The following ATP6V1B2 variants were observed in gnomAD, a reference collection of about 807,000 sequenced individuals.
The protein encoded by ATP6V1B2 is ATPase H+ transporting V1 subunit B2.
A neutral mutation model predicts 66.7 loss-of-function variants in ATP6V1B2; 23 were observed. The ratio of observed to expected loss-of-function variants is 0.34; its 90% CI spans 0.25 to 0.49. The LOEUF (loss-of-function observed/expected upper bound fraction) is 0.49, where lower values mean the gene tolerates loss of function less well. Ranked by LOEUF, ATP6V1B2 falls within the 20% of genes least tolerant of loss-of-function variation. The probability of loss-of-function intolerance (pLI) is 0.99; values close to 1 mark genes in which losing one functional copy is unlikely to be tolerated. For synonymous variants in ATP6V1B2, 278 were observed against 236.7 expected (o/e 1.17, Z -1.60); for missense variants, 478 against 650.8 (o/e 0.73, Z 2.89).
intron 3 of ATP6V1B2, 45 bp from the exon 4 acceptor site, chr8:20,210,301 A>G (rs1348238263): frequency 2.6e-6 from 4 of 1,515,276 alleles, no homozygotes; most frequent in Non-Finnish European, 3.6e-6. Flanking sequence ...AATGCCCGTG[A>G]TCTAAATTAC....
rs745791826 is a variant in ATP6V1B2, at chr8:20,217,232, A to G, written c.1174A>G (p.Ile392Val). 1.2e-6 allele frequency: 2 copies of G among 1,612,492 alleles called. No homozygotes were observed. The highest frequency in any genetic ancestry group is 1.7e-5 in the Admixed American group (1 of 59,990). ...QLHNRQIYPP[I>V]NVLPSLSRLM... Reference sequence around the variant, plus strand: ...CATTCTACCCAAGATTTATCCACCTATCAATGTGCTGCCCTCACTATCACG... The same window carrying G: ...CATTCTACCCAAGATTTATCCACCTGTCAATGTGCTGCCCTCACTATCACG... The change falls in exon 12 of 14, where the codon ATC becomes GTC. Residue 392 changes from isoleucine (I) to valine (V), a missense_variant. This residue lies in a region of ATP6V1B2 where 326 missense variants were observed against 545.6 expected (regional missense o/e 0.60). Transcript: ENST00000276390.
chr8:20,220,117 A>C (rs1354647378), intron 13 of ATP6V1B2, 146 bp from the exon 14 acceptor site: 2 of 769,940 alleles, frequency 2.6e-6, no homozygotes, highest in Non-Finnish European at 1.9e-6. Flanking sequence ...TCTTTTCCTC[A>C]GTCCTTCTCA....
In ATP6V1B2 at chr8:20,218,357, A is replaced by T; in HGVS notation, c.1396+75A>T. ...GAAAACTGCTTTCCAAGCCTAAGAA[A>T]ATTCTCATTGGTTTCTATATAGTTA... On this transcript the variant is annotated intron_variant, in intron 13 of 13. Coordinates refer to ENST00000276390, the MANE Select transcript of ATP6V1B2 (RefSeq NM_001693.4). 10 of 1,555,900 alleles carry T rather than the reference A, an allele frequency of 6.4e-6. No individual in the cohort carries two copies. The South Asian group carries it at 1.2e-4, about 19-fold the overall frequency.
At chr8:20,205,626 G>T (rs2410638) in intron 2 of ATP6V1B2, among the ~76,000 whole-genome samples, 58,473 of 152,050 alleles carry the variant, frequency 0.38, 12,396 homozygotes, top group African/African-American at 0.56. Context: ...CTATGAGATT[G>T]ATAGTGATTT....
chr8:20,214,886 C>G lies in ATP6V1B2; in HGVS notation c.996C>G (p.Ala332=). Residue 332 remains alanine, a synonymous_variant, in exon 10 of 14, where the codon GCC becomes GCG. Transcript: ENST00000276390. ...CAGGTTACATGTATACAGATTTAGCCACGATATATGAACGCGCTGGGCGAG... is the reference window on the plus strand; with the variant it reads ...CAGGTTACATGTATACAGATTTAGCGACGATATATGAACGCGCTGGGCGAG... The part of the protein sequence containing the change: ...GFPGYMYTDL[A]TIYERAGRVE... 11 of 1,613,542 alleles carry G rather than the reference C, an allele frequency of 6.8e-6. No individual in the cohort carries two copies. Among genetic ancestry groups the G allele is most frequent in the Non-Finnish European group, 9.3e-6 (11 of 1,179,696 alleles).
chr8:20,206,002 A>G (rs1181178431), intron 2 of ATP6V1B2, among the ~76,000 whole-genome samples: 1 of 152,246 alleles, frequency 6.6e-6, no homozygotes, highest in Non-Finnish European at 1.5e-5. Flanking sequence ...ACAGAAAAAA[A>G]ATTTGATGAA....
At position 20,220,519 on chromosome 8, in the gene ATP6V1B2, A is replaced by G; in HGVS notation, c.*117A>G. Reference sequence around the variant, plus strand: ...AGTTTACCATGTTACCCTGTAATTAAAAACAAAGAATAGGTAACATATTGT... The same window carrying G: ...AGTTTACCATGTTACCCTGTAATTAGAAACAAAGAATAGGTAACATATTGT... On this transcript the variant is annotated 3_prime_UTR_variant, in exon 14 of 14. Coordinates refer to ENST00000276390, the MANE Select transcript of ATP6V1B2 (RefSeq NM_001693.4). 7.4e-7 allele frequency: 1 copy of G among 1,354,938 alleles called. No homozygotes were observed. The highest frequency in any genetic ancestry group is 9.7e-7 in the Non-Finnish European group (1 of 1,028,104). 83.9% of individuals were successfully genotyped at this position (1,354,938 alleles called of 1,614,324 possible).
rs2128886349 is a variant in ATP6V1B2, at chr8:20,214,900, G to A, written c.1010G>A (p.Arg337His). 1.2e-6 allele frequency: 2 copies of A among 1,613,588 alleles called. No homozygotes were observed. Among genetic ancestry groups the A allele is most frequent in the Non-Finnish European group, 1.7e-6 (2 of 1,179,690 alleles). The change falls in exon 10 of 14, where the codon CGC becomes CAC. Residue 337 changes from arginine to histidine, a missense_variant. Physicochemically the swap from Arg to His is conservative, Grantham distance 29. This residue lies in a region of ATP6V1B2 where 326 missense variants were observed against 545.6 expected (regional missense o/e 0.60). Transcript: ENST00000276390. ...ACAGATTTAGCCACGATATATGAAC[G>A]CGCTGGGCGAGTGGAAGGGAGAAAC... ...MYTDLATIYE[R>H]AGRVEGRNGS...
intron 9 of ATP6V1B2, 184 bp from the exon 10 acceptor site, chr8:20,214,634 T>G: frequency 1.5e-5 from 9 of 612,414 alleles, no homozygotes; most frequent in Non-Finnish European, 2.1e-5. Context: ...TGTCAACATT[T>G]TTGTTACAGA....
chr8:20,206,430 A>T (rs1279103989), intron 2 of ATP6V1B2, among the ~76,000 whole-genome samples: 3 of 152,192 alleles, frequency 2.0e-5, no homozygotes, highest in African/African-American at 7.2e-5. Flanking sequence ...CAGATTGAGG[A>T]TACCCTTCTG....
intron 11 of ATP6V1B2, 163 bp from the exon 12 acceptor site, chr8:20,217,057 C>T (rs760538315): frequency 1.3e-4 from 77 of 614,372 alleles, no homozygotes; most frequent in Non-Finnish European, 2.0e-4. Context: ...TTTCTTACTA[C>T]CTTTTCTTGC....
chr8:20,211,643 G>A lies in ATP6V1B2; in HGVS notation c.604-9G>A. The A allele has an allele frequency of 6.2e-7, 1 of 1,600,366 alleles. No homozygotes were observed. Among genetic ancestry groups the A allele is most frequent in the South Asian group, 1.1e-5 (1 of 88,234 alleles). The stretch of plus-strand genomic sequence containing the variant: ...GATTTCAACTGAATTCTTCTACTTT[G>A]TTCATCAGATTGCAGCTCAGATCTG... On this transcript the variant is annotated splice_polypyrimidine_tract_variant and intron_variant, in intron 6 of 13. Coordinates refer to ENST00000276390, the MANE Select transcript of ATP6V1B2 (RefSeq NM_001693.4).
intron 12 of ATP6V1B2, 122 bp from the exon 13 acceptor site, chr8:20,218,031 G>T: frequency 1.5e-6 from 2 of 1,317,442 alleles, no homozygotes; most frequent in African/African-American, 1.5e-5. Flanking sequence ...TATGTGAATT[G>T]TTTTTGTAAA....
chr8:20,204,374 C>T lies in ATP6V1B2; in HGVS notation c.137-110C>T, dbSNP rs183219510. ...AAATTTTGTAGCTATTTGAGTGTAC[C>T]GTATTCTAATAGACATGATAACGTA... On this transcript the variant is annotated intron_variant, in intron 1 of 13. Transcript: ENST00000276390. 8.1e-5 allele frequency: 71 copies of T among 881,252 alleles called. 1 individual carries two copies. Among genetic ancestry groups the T allele is most frequent in the South Asian group, 6.9e-4 (42 of 60,444 alleles). The allele number at this position is 881,252 out of a possible 1,614,324, so 54.6% of individuals were successfully genotyped here.
Position 20,211,747 on chromosome 8 carries a change from T to C in ATP6V1B2, c.699T>C (p.Ala233=), listed in dbSNP as rs1278697763. The C allele has an allele frequency of 4.4e-6, 7 of 1,602,244 alleles. No homozygotes were observed. Among genetic ancestry groups the C allele is most frequent in the Admixed American group, 1.8e-5 (1 of 57,100 alleles). The change falls in exon 7 of 14, where the codon GCT becomes GCC. Residue 233 remains alanine, a synonymous_variant. Transcript: ENST00000276390. The part of the protein sequence containing the change: ...SEENFAIVFA[A]MGVNMETARF... ...AAAATTTTGCAATTGTATTTGCTGC[T>C]ATGGGTGTAAGTAGAATTTTTGTTT...
At chr8:20,208,764 G>A (rs1053502885) in intron 2 of ATP6V1B2, among the ~76,000 whole-genome samples, 1 of 147,908 alleles carries the variant, frequency 6.8e-6, no homozygotes, top group Admixed American at 6.9e-5. Context: ...CTGGAGTACA[G>A]TGGCACGATC....
intron 12 of ATP6V1B2, among the ~76,000 whole-genome samples, chr8:20,217,587 T>A (rs868033044): frequency 6.6e-6 from 1 of 152,214 alleles, no homozygotes; most frequent in Non-Finnish European, 1.5e-5. Flanking sequence ...TGAGGTTGTT[T>A]AAATTTTTTA....
Position 20,198,956 on chromosome 8 carries a change from T to G in ATP6V1B2, c.136+1414T>G, listed in dbSNP as rs531809910. On this transcript the variant is annotated intron_variant, in intron 1 of 13. Transcript: ENST00000276390. ...TTATACCTACGAATTACAAATTCTCTTTTATTAATTGCGTTTGTATGCATT... is the reference window on the plus strand; with the variant it reads ...TTATACCTACGAATTACAAATTCTCGTTTATTAATTGCGTTTGTATGCATT... 6.6e-5 allele frequency among the ~76,000 whole-genome samples: 10 copies of G among 152,354 alleles called. No individual in the cohort carries two copies. In the South Asian group the frequency reaches 2.1e-3, roughly 32 times the overall value.
At chr8:20,214,794 C>G (rs953934602) in intron 9 of ATP6V1B2, 24 bp from the exon 10 acceptor site, 1 of 1,599,662 alleles carries the variant, frequency 6.3e-7, no homozygotes, top group African/African-American at 1.3e-5. Flanking sequence ...GTGCATGATA[C>G]TCTTCTGCTT....
Sources: gnomAD v4.1 joint callset for allele counts (sites outside exome capture counted in the v4.1 genomes callset) on GRCh38, gnomAD v4.1.1 for gene constraint, gnomAD v4.1.1 regional missense constraint, MANE v1.5 for transcripts, NCBI Gene and HGNC (gene_info 2026-07-23, HGNC 2026-07-21) for gene names.